The following DRC11 variants were observed in gnomAD, a reference collection of about 807,000 sequenced individuals.
The protein encoded by DRC11 is IQ and AAA domain-containing protein 1.
the DRC11 span, among the ~76,000 whole-genome samples, chr2:236,430,251 GT>G: frequency 1.3e-5 from 2 of 152,012 alleles, no homozygotes; most frequent in South Asian, 2.1e-4. This position sits in a 1 kb window ranked among gnomAD's most constrained non-coding sequence, Gnocchi z 6.0. Flanking sequence ...GTTGTGTTAT[GT>G]TTGCCAATTG....
At chr2:236,391,496 C>G in the DRC11 span, 6 of 155,742 alleles carry the variant, frequency 3.9e-5, no homozygotes, top group African/African-American at 1.4e-4. This position sits in a 1 kb window ranked among gnomAD's most constrained non-coding sequence, Gnocchi z 4.5. Flanking sequence ...ACTAAATGAA[C>G]TTCAAATACC....
chr2:236,356,988 ATATC>A, the DRC11 span, among the ~76,000 whole-genome samples: 34 of 110,706 alleles, frequency 3.1e-4, 4 homozygotes, highest in Non-Finnish European at 5.3e-4. Flanking sequence ...CATATATTAT[ATATC>A]TATATATTTA....
chr2:236,381,611 G>A, the DRC11 span, among the ~76,000 whole-genome samples: 1 of 152,178 alleles, frequency 6.6e-6, no homozygotes, highest in East Asian at 1.9e-4. The surrounding 1 kb of genome is among the most constrained non-coding windows in gnomAD (Gnocchi z 5.8). Flanking sequence ...CCCCACATCT[G>A]GAGCCCTCAG....
At chr2:236,420,348 C>T in the DRC11 span, among the ~76,000 whole-genome samples, 1 of 152,216 alleles carries the variant, frequency 6.6e-6, no homozygotes, top group Non-Finnish European at 1.5e-5. The surrounding 1 kb of genome is among the most constrained non-coding windows in gnomAD (Gnocchi z 4.8). Flanking sequence ...TGTCAACTTA[C>T]TCCATCGTAC....
the DRC11 span, among the ~76,000 whole-genome samples, chr2:236,432,991 C>T: frequency 1.7e-3 from 255 of 152,224 alleles, 3 homozygotes; most frequent in African/African-American, 5.6e-3. Flanking sequence ...TAGATGACAA[C>T]CTGGCTCTTC....
the DRC11 span, among the ~76,000 whole-genome samples, chr2:236,479,961 CTT>C: frequency 2.0e-5 from 3 of 150,598 alleles, no homozygotes; most frequent in East Asian, 1.9e-4. This position sits in a 1 kb window ranked among gnomAD's most constrained non-coding sequence, Gnocchi z 4.1. Context: ...CTGGGAAACA[CTT>C]TATCTCTTCT....
the DRC11 span, among the ~76,000 whole-genome samples, chr2:236,334,287 C>T: frequency 6.6e-6 from 1 of 152,184 alleles, no homozygotes; most frequent in Admixed American, 6.5e-5. This position sits in a 1 kb window ranked among gnomAD's most constrained non-coding sequence, Gnocchi z 7.8. Flanking sequence ...TGCTGTAGGG[C>T]CCACGGTGGT....
At chr2:236,377,177 T>C in the DRC11 span, 1 of 1,610,046 alleles carries the variant, frequency 6.2e-7, no homozygotes, top group Admixed American at 1.7e-5. This position sits in a 1 kb window ranked among gnomAD's most constrained non-coding sequence, Gnocchi z 4.9. Context: ...ATACAGAGAC[T>C]CGATGGTCCT....
chr2:236,393,105 A>G, the DRC11 span, among the ~76,000 whole-genome samples: 1 of 152,208 alleles, frequency 6.6e-6, no homozygotes, highest in Non-Finnish European at 1.5e-5. This position sits in a 1 kb window ranked among gnomAD's most constrained non-coding sequence, Gnocchi z 4.7. Flanking sequence ...GAGGTCTCCC[A>G]TGGGAAGCCA....
At chr2:236,311,676 C>T in the DRC11 span, among the ~76,000 whole-genome samples, 2,188 of 150,858 alleles carry the variant, frequency 0.015, 84 homozygotes, top group East Asian at 0.13. The surrounding 1 kb of genome is among the most constrained non-coding windows in gnomAD (Gnocchi z 6.9). Context: ...GCACTGTGGG[C>T]TTGGCCAGCT....
chr2:236,382,614 C>T, the DRC11 span, among the ~76,000 whole-genome samples: 1 of 152,098 alleles, frequency 6.6e-6, no homozygotes, highest in Admixed American at 6.6e-5. Context: ...GCTTTGATTT[C>T]TTTACTGGCA....
At chr2:236,459,603 A>G in the DRC11 span, among the ~76,000 whole-genome samples, 8,562 of 83,754 alleles carry the variant, frequency 0.1, 493 homozygotes, top group East Asian at 0.18. Context: ...ACGTATACAT[A>G]TATACGTATA....
the DRC11 span, among the ~76,000 whole-genome samples, chr2:236,433,634 T>C: frequency 6.6e-6 from 1 of 152,232 alleles, no homozygotes; most frequent in Non-Finnish European, 1.5e-5. Flanking sequence ...AAGTAGTTTT[T>C]TAGTTTATTC....
chr2:236,472,272 C>T, the DRC11 span, among the ~76,000 whole-genome samples: 1 of 152,156 alleles, frequency 6.6e-6, no homozygotes, highest in African/African-American at 2.4e-5. This position sits in a 1 kb window ranked among gnomAD's most constrained non-coding sequence, Gnocchi z 4.6. Flanking sequence ...GCTGGTGCAA[C>T]AACACAAGCT....
At chr2:236,422,689 T>C in the DRC11 span, among the ~76,000 whole-genome samples, 1 of 152,130 alleles carries the variant, frequency 6.6e-6, no homozygotes, top group Non-Finnish European at 1.5e-5. Context: ...TTGACAGAAT[T>C]AGAAAAAACT....
the DRC11 span, among the ~76,000 whole-genome samples, chr2:236,443,944 T>C: frequency 1.3e-5 from 2 of 152,194 alleles, no homozygotes; most frequent in African/African-American, 4.8e-5. The surrounding 1 kb of genome is among the most constrained non-coding windows in gnomAD (Gnocchi z 4.4). Context: ...ATCAGTGATG[T>C]TGAGCTTGTT....
chr2:236,316,184 A>G, the DRC11 span, among the ~76,000 whole-genome samples: 1 of 138,470 alleles, frequency 7.2e-6, no homozygotes, highest in Non-Finnish European at 1.5e-5. This position sits in a 1 kb window ranked among gnomAD's most constrained non-coding sequence, Gnocchi z 6.8. Flanking sequence ...TCTTTTTGAG[A>G]TGGAGTCTCA....
At chr2:236,324,836 A>G in the DRC11 span, 40 of 1,262,900 alleles carry the variant, frequency 3.2e-5, 1 homozygote, top group East Asian at 7.7e-4. The surrounding 1 kb of genome is among the most constrained non-coding windows in gnomAD (Gnocchi z 5.7). Context: ...AATTCACCGC[A>G]ATACTCTTAA....
chr2:236,432,691 C>A, the DRC11 span, among the ~76,000 whole-genome samples: 3 of 152,230 alleles, frequency 2.0e-5, no homozygotes, highest in Non-Finnish European at 4.4e-5. Context: ...ACAAATAATT[C>A]TCTCAGGGTG....
Sources: allele counts gnomAD v4.1 joint callset (sites outside exome capture counted in the v4.1 genomes callset), GRCh38; gene constraint gnomAD v4.1.1; non-coding constraint Gnocchi (gnomAD v3.1); transcripts MANE v1.5; gene names NCBI Gene and HGNC (gene_info 2026-07-23, HGNC 2026-07-21).